The following LIPA variants were observed in gnomAD, a reference collection of about 807,000 sequenced individuals.
The protein encoded by LIPA is lysosomal acid lipase/cholesteryl ester hydrolase.
Under a neutral mutation model 40.6 loss-of-function variants are expected in LIPA, and 26 were observed. The ratio of observed to expected loss-of-function variants is 0.64; its 90% CI spans 0.47 to 0.89. LIPA has a LOEUF of 0.89. Among genes scored for constraint, LIPA ranks in the 40% least tolerant of loss-of-function variants. LIPA has a pLI of 0.00. For missense variants in LIPA, 455 were observed against 479.6 expected (o/e 0.95, Z 0.48); for synonymous variants, 188 against 168.4 (o/e 1.12, Z -0.90).
chr10:89,402,411 C>A (rs768299144), intron 2 of LIPA: 2 of 1,614,172 alleles, frequency 1.2e-6, no homozygotes, highest in Non-Finnish European at 1.7e-6. Context: ...GATTGAATTC[C>A]TAGACACCAA....
intron 3 of LIPA, among the ~76,000 whole-genome samples, chr10:89,228,622 C>T (rs895993744): frequency 6.6e-6 from 1 of 152,148 alleles, no homozygotes; most frequent in South Asian, 2.1e-4. Flanking sequence ...TGCATGTCCA[C>T]TAACAAGACA....
intron 2 of LIPA, among the ~76,000 whole-genome samples, chr10:89,374,431 G>A (rs940903795): frequency 1.3e-5 from 2 of 151,966 alleles, no homozygotes; most frequent in African/African-American, 2.4e-5. Flanking sequence ...TTTATCCAAG[G>A]ACACACTGGG....
rs561886791 is a variant in LIPA at position 89,288,004 on chromosome 10, T to C, written c.-1-40355A>G. Among the ~76,000 whole-genome samples the C allele has an allele frequency of 5.9e-5, 9 of 152,312 alleles. 1 individual carries two copies. The East Asian group carries it at 1.7e-3, about 29-fold the overall frequency. On this transcript the variant is annotated intron_variant, in intron 1 of 5. Coordinates refer to the LIPA transcript ENST00000282673. The stretch of plus-strand genomic sequence containing the variant: ...TTGCACCCTTCATCCCAGCCTCTTT[T>C]CACTTTCACTTGGACTGACCCCGAC...
intron 1 of LIPA, chr10:89,278,395 G>A (rs1843299478): frequency 6.6e-6 from 1 of 152,214 alleles, no homozygotes; most frequent in Non-Finnish European, 1.5e-5. Context: ...TAGTGTAGCA[G>A]GAAGGTGTGG....
chr10:89,301,963 T>C, intron 1 of LIPA: 1 of 582,788 alleles, frequency 1.7e-6, no homozygotes, highest in Non-Finnish European at 2.9e-6. Flanking sequence ...TCACTTTCCC[T>C]TTTGTAACGT....
chr10:89,412,783 G>A lies in LIPA; in HGVS notation c.61+8C>T, dbSNP rs994244800. Reference sequence around the variant, plus strand: ...GCACTCCTGAAGTCAGCAAGACCACGAACTCACCAGAAGGAAGAAACTCCA... The same window carrying A: ...GCACTCCTGAAGTCAGCAAGACCACAAACTCACCAGAAGGAAGAAACTCCA... On this transcript the variant is annotated splice_region_variant and intron_variant, in intron 2 of 8. Transcript: ENST00000371837. 2.4e-5 allele frequency: 10 copies of A among 419,122 alleles called. No individual in the cohort carries two copies. In the East Asian group the frequency reaches 3.7e-4, roughly 15 times the overall value. 26.0% of individuals were successfully genotyped at this position (419,122 alleles called of 1,614,324 possible).
At chr10:89,318,538 C>T (rs1037700861) in intron 1 of LIPA, among the ~76,000 whole-genome samples, 3 of 152,108 alleles carry the variant, frequency 2.0e-5, no homozygotes, top group African/African-American at 4.8e-5. Flanking sequence ...ATGCACCCAA[C>T]ACAGGAGCAC....
intron 1 of LIPA, chr10:89,309,105 A>C (rs1457347631): frequency 2.0e-5 from 3 of 152,230 alleles, no homozygotes. Context: ...GCTTCGGATA[A>C]CAGCTGCCAT....
chr10:89,252,432 C>G (rs1843139889), upstream of LIPA, among the ~76,000 whole-genome samples: 1 of 151,948 alleles, frequency 6.6e-6, no homozygotes, highest in Non-Finnish European at 1.5e-5. Flanking sequence ...TGGGAAGAGA[C>G]ACATCATGAA....
chr10:89,365,450 T>C (rs1217236280), intron 2 of LIPA, among the ~76,000 whole-genome samples: 4 of 152,316 alleles, frequency 2.6e-5, no homozygotes, highest in Admixed American at 6.5e-5. Context: ...AGCTCTTTAG[T>C]TTAATTAGAT....
chr10:89,222,015 A>G (rs1174462338), intron 8 of LIPA, among the ~76,000 whole-genome samples: 1 of 152,218 alleles, frequency 6.6e-6, no homozygotes, highest in Non-Finnish European at 1.5e-5. Context: ...AGGGGCCCCC[A>G]TTCACATCTA....
At chr10:89,408,716 C>T (rs1841445221) in intron 2 of LIPA, among the ~76,000 whole-genome samples, 1 of 152,208 alleles carries the variant, frequency 6.6e-6, no homozygotes, top group Non-Finnish European at 1.5e-5. Context: ...GGAAACCTTC[C>T]ATCTCACTTA....
At position 89,214,179 on chromosome 10, in the gene LIPA, G is replaced by A. The variant is rs1247688478; in HGVS notation, c.*649C>T. 1 of 152,318 alleles carries A rather than the reference G, an allele frequency of 6.6e-6. No individual in the cohort carries two copies. The highest frequency in any genetic ancestry group is 1.5e-5 in the Non-Finnish European group (1 of 68,138). The allele number at this position is 152,318 out of a possible 1,614,324, so 9.4% of individuals were successfully genotyped here. On this transcript the variant is annotated 3_prime_UTR_variant, in exon 10 of 10. Transcript: ENST00000336233. The stretch of plus-strand genomic sequence containing the variant: ...TTTATCAGTGCAATTTGTTTTTGAA[G>A]ACGCCGGAAAACTATTTCATTTAAC...
rs1439465187 is a variant in LIPA, at chr10:89,373,185, A to G, written c.61+39606T>C. 1.3e-5 allele frequency among the ~76,000 whole-genome samples: 2 copies of G among 151,674 alleles called. 1 individual carries two copies. The highest frequency in any genetic ancestry group is 2.9e-5 in the Non-Finnish European group (2 of 67,914). On this transcript the variant is annotated intron_variant, in intron 2 of 8. Coordinates refer to the LIPA transcript ENST00000371837. ...CGTCTCTACTAAAAATACAAAAAAC[A>G]TTTGCCGGGCGTGGTGGTGGGTGCC...
chr10:89,355,273 C>A (rs956804604), intron 2 of LIPA, among the ~76,000 whole-genome samples: 1 of 152,158 alleles, frequency 6.6e-6, no homozygotes, highest in Non-Finnish European at 1.5e-5. Flanking sequence ...CAGCCTATTA[C>A]CATTTAAACT....
chr10:89,405,313 A>T (rs1844512527), intron 2 of LIPA: 1 of 152,272 alleles, frequency 6.6e-6, no homozygotes, highest in Non-Finnish European at 1.5e-5. Context: ...ATCAGAGATC[A>T]TGGGTAACAA....
chr10:89,225,290 A>G (rs1431848964), intron 5 of LIPA, 62 bp from the exon 6 acceptor site: 1 of 1,604,682 alleles, frequency 6.2e-7, no homozygotes, highest in Non-Finnish European at 8.5e-7. Flanking sequence ...CTCAGAAAAC[A>G]CAAAGGCCGT....
At chr10:89,407,182 C>T (rs1045863017) in intron 2 of LIPA, among the ~76,000 whole-genome samples, 1 of 152,112 alleles carries the variant, frequency 6.6e-6, no homozygotes, top group African/African-American at 2.4e-5. Context: ...GTTCATTGAC[C>T]CTGCGGCCAT....
At chr10:89,366,279 A>C (rs2133594908) in intron 2 of LIPA, among the ~76,000 whole-genome samples, 1 of 152,210 alleles carries the variant, frequency 6.6e-6, no homozygotes, top group South Asian at 2.1e-4. Flanking sequence ...AATGCTTGTG[A>C]TTTTTGCACA....
Sources: allele counts gnomAD v4.1 joint callset (sites outside exome capture counted in the v4.1 genomes callset), GRCh38; gene constraint gnomAD v4.1.1; transcripts MANE v1.5; gene names NCBI Gene and HGNC (gene_info 2026-07-23, HGNC 2026-07-21).